Variants in KRTAP5-1 observed in about 807,000 individuals in gnomAD.
KRTAP5-1 encodes keratin associated protein 5-1, also known as keratin-associated protein 5-1.
Under a neutral mutation model 1.1 loss-of-function variants are expected in KRTAP5-1, and 1 was observed. The ratio of observed to expected loss-of-function variants is 0.90; its 90% CI spans 0.32 to 4.26. The LOEUF is 4.26. Ranked by LOEUF, KRTAP5-1 falls within the 30% of genes most tolerant of loss-of-function variation. The pLI is 0.17. For missense variants in KRTAP5-1, 302 were observed against 349.7 expected, an observed-to-expected ratio of 0.86 and a Z score of 1.09; for synonymous variants, 105 against 141.6, an observed-to-expected ratio of 0.74 and a Z score of 1.84.
At position 1,585,170 on chromosome 11, in the gene KRTAP5-1, C is replaced by A. The variant is rs1321589119; in HGVS notation, c.80G>T (p.Gly27Val). The A allele has an allele frequency of 1.3e-6, 2 of 1,595,124 alleles. No individual in the cohort carries two copies. The highest frequency in any genetic ancestry group is 1.7e-6 in the Non-Finnish European group (2 of 1,166,266). ...ACAGCCAGAGCCACAGCCCCCACAG[C>A]CGGAGCCACAGCCCCCACAGCCGGA... ...CGSGCGGCGS[G>V]CGGCGSGCGG... Residue 27 changes from glycine (G) to valine (V), a missense_variant, in exon 1 of 1, where the codon GGC (glycine) becomes GTC (valine). Physicochemically the swap from Gly to Val is moderately radical, Grantham distance 109. Transcript: ENST00000382171.
Position 1,584,424 on chromosome 11 carries a change from A to G in KRTAP5-1, c.826T>C (p.Cys276Arg). Residue 276 changes from cysteine to arginine, a missense_variant, in exon 1 of 1, where the codon TGC becomes CGC. Cys to Arg is a radical substitution (Grantham distance 180). Coordinates refer to ENST00000382171, the MANE Select transcript of KRTAP5-1 (RefSeq NM_001005922.1). ...TGCAAAGCCAGAAATCAGATCTTGC[A>G]CTGGCAGCACACGGGGACACAGCAA... is the stretch of plus-strand genomic sequence containing the variant. Reference protein sequence around the residue: ...SSCCVPVCCQCKI With the variant: ...SSCCVPVCCQRKI The G allele has an allele frequency of 6.2e-7, 1 of 1,613,976 alleles. No individual in the cohort carries two copies. The highest frequency in any genetic ancestry group is 8.5e-7 in the Non-Finnish European group (1 of 1,179,934).
rs1318056890 is a variant in KRTAP5-1, at chr11:1,585,094, C to T, written c.156G>A (p.Val52=). Residue 52 remains valine, a synonymous_variant, in exon 1 of 1, where the codon GTG becomes GTA. Transcript: ENST00000382171. ...CCVPVCCCKP[V]CCRVPTCSCS... ...AGGAACAGGTTGGCACACGGCAGCA[C>T]ACGGGCTTGCAGCAGCAGACGGGCA... The T allele has an allele frequency of 1.9e-6, 3 of 1,608,958 alleles. No homozygotes were observed. Among genetic ancestry groups the T allele is most frequent in the Non-Finnish European group, 1.7e-6 (2 of 1,178,936 alleles).
Position 1,584,781 on chromosome 11 carries a change from A to G in KRTAP5-1, c.469T>C (p.Cys157Arg), listed in dbSNP as rs760609364. ...CSCSSCGKGG[C>R]GSCGCSKGAC... ...CCCTTGGAGCACCCACAGGAGCCAC[A>G]GCCCCCTTTGCCACAGCTGGAGCAG... Residue 157 changes from cysteine (C) to arginine (R), a missense_variant, in exon 1 of 1, where the codon TGT becomes CGT. Coordinates refer to ENST00000382171, the MANE Select transcript of KRTAP5-1 (RefSeq NM_001005922.1). 19 of 1,564,080 alleles carry G rather than the reference A, an allele frequency of 1.2e-5. No homozygotes were observed. In the South Asian group the frequency reaches 1.8e-4, roughly 15 times the overall value.
rs771353951 is a variant in KRTAP5-1 at position 1,585,076 on chromosome 11, G to T, written c.174C>A (p.Thr58=). The T allele has an allele frequency of 2.6e-6, 4 of 1,543,770 alleles. No homozygotes were observed. The Admixed American group carries it at 5.5e-5, about 21-fold the overall frequency. The part of the protein sequence containing the change: ...CCKPVCCRVP[T]CSCSSCGKGG... The stretch of plus-strand genomic sequence containing the variant: ...CTTTGCCACAGCTGGAGCAGGAACA[G>T]GTTGGCACACGGCAGCACACGGGCT... Residue 58 remains threonine, a synonymous_variant, in exon 1 of 1, where the codon ACC becomes ACA. Transcript: ENST00000382171.
At position 1,584,357 on chromosome 11, in the gene KRTAP5-1, A is replaced by T; in HGVS notation, c.*56T>A. ...TGGCTCACTGGGTGCCAGGAAAAGG[A>T]GGTAAAGGCTGGGCAGGAATGCCTG... On this transcript the variant is annotated 3_prime_UTR_variant, in exon 1 of 1. Transcript: ENST00000382171. 6.3e-7 allele frequency: 1 copy of T among 1,579,036 alleles called. No homozygotes were observed. The highest frequency in any genetic ancestry group is 1.1e-5 in the South Asian group (1 of 88,344).
Position 1,584,783 on chromosome 11 carries a change from C to G in KRTAP5-1, c.467G>C (p.Gly156Ala), listed in dbSNP as rs765834783. ...CTTGGAGCACCCACAGGAGCCACAG[C>G]CCCCTTTGCCACAGCTGGAGCAGGA... ...ACSCSSCGKG[G>A]CGSCGCSKGA... Residue 156 changes from glycine to alanine, a missense_variant, in exon 1 of 1, where the codon GGC (glycine) becomes GCC (alanine). Around this residue, in one of 2 missense-constraint regions of KRTAP5-1, gnomAD observed 165 missense variants for 235.8 expected, o/e 0.70. Transcript: ENST00000382171. The G allele has an allele frequency of 6.3e-7, 1 of 1,595,874 alleles. No individual in the cohort carries two copies. The highest frequency in any genetic ancestry group is 8.5e-7 in the Non-Finnish European group (1 of 1,173,604).
Position 1,584,635 on chromosome 11 carries a change from G to A in KRTAP5-1, c.615C>T (p.Gly205=), listed in dbSNP as rs1282862812. The part of the protein sequence containing the change: ...GGCGSGCGGC[G]SGCGVPVCCC... ...AACACACGGGCACACCGCAGCCGGAGCCACAGCCCCCACAGCCGGAGCCAC... is the reference window on the plus strand; with the variant it reads ...AACACACGGGCACACCGCAGCCGGAACCACAGCCCCCACAGCCGGAGCCAC... The change falls in exon 1 of 1, where the codon GGC becomes GGT. Residue 205 remains glycine, a synonymous_variant. Transcript: ENST00000382171. 3 of 1,588,562 alleles carry A rather than the reference G, an allele frequency of 1.9e-6. No individual in the cohort carries two copies. Among genetic ancestry groups the A allele is most frequent in the South Asian group, 1.1e-5 (1 of 89,698 alleles).
chr11:1,584,432 C>T lies in KRTAP5-1; in HGVS notation c.818G>A (p.Cys273Tyr). ...CSQSSCCVPV[C>Y]CQCKI ...CAGAAATCAGATCTTGCACTGGCAG[C>T]ACACGGGGACACAGCAACTGGACTG... The change falls in exon 1 of 1, where the codon TGC (cysteine) becomes TAC (tyrosine). Residue 273 changes from cysteine to tyrosine, a missense_variant. Physicochemically the swap from Cys to Tyr is radical, Grantham distance 194 (BLOSUM62 -2). Around this residue, in one of 2 missense-constraint regions of KRTAP5-1, gnomAD observed 137 missense variants for 113.9 expected, o/e 1.20. Coordinates refer to ENST00000382171, the MANE Select transcript of KRTAP5-1 (RefSeq NM_001005922.1). 7 of 1,613,966 alleles carry T rather than the reference C, an allele frequency of 4.3e-6. No individual in the cohort carries two copies. Among genetic ancestry groups the T allele is most frequent in the Non-Finnish European group, 5.9e-6 (7 of 1,179,956 alleles).
Position 1,584,962 on chromosome 11 carries a change from C to G in KRTAP5-1, c.288G>C (p.Lys96Asn). The change falls in exon 1 of 1, where the codon AAG becomes AAC. Residue 96 changes from lysine to asparagine, a missense_variant. This residue lies in a region of KRTAP5-1 where 165 missense variants were observed against 235.8 expected (regional missense o/e 0.70). Coordinates refer to ENST00000382171, the MANE Select transcript of KRTAP5-1 (RefSeq NM_001005922.1). ...AGCCCCCACAGGAGCCACAACCCCCCTTGGATCCCCCACAAGAGCCACAGC... is the reference window on the plus strand; with the variant it reads ...AGCCCCCACAGGAGCCACAACCCCCGTTGGATCCCCCACAAGAGCCACAGC... ...KGGCGSCGGS[K>N]GGCGSCGGSK... 1 of 1,281,044 alleles carries G rather than the reference C, an allele frequency of 7.8e-7. No individual in the cohort carries two copies. The highest frequency in any genetic ancestry group is 1.0e-6 in the Non-Finnish European group (1 of 987,778). The allele number at this position is 1,281,044 out of a possible 1,614,324, so 79.4% of individuals were successfully genotyped here.
chr11:1,584,657 C>T lies in KRTAP5-1; in HGVS notation c.593G>A (p.Gly198Asp). The part of the protein sequence containing the change: ...GSCGGSKGGC[G>D]SGCGGCGSGC... ...GGAGCCACAGCCCCCACAGCCGGAG[C>T]CACAACCCCCCTTGGATCCCCCACA... Residue 198 changes from glycine to aspartate, a missense_variant, in exon 1 of 1, where the codon GGC becomes GAC. By Grantham distance (94) the Gly-to-Asp change is moderately conservative (BLOSUM62 -1). This residue lies in a region of KRTAP5-1 where 137 missense variants were observed against 113.9 expected (regional missense o/e 1.20). Coordinates refer to ENST00000382171, the MANE Select transcript of KRTAP5-1 (RefSeq NM_001005922.1). The T allele has an allele frequency of 1.9e-6, 3 of 1,600,040 alleles. No individual in the cohort carries two copies. The highest frequency in any genetic ancestry group is 2.6e-6 in the Non-Finnish European group (3 of 1,172,720).
rs778427169 is a variant in KRTAP5-1 at position 1,584,633 on chromosome 11, G to A, written c.617C>T (p.Ser206Phe). Residue 206 changes from serine to phenylalanine, a missense_variant, in exon 1 of 1, where the codon TCC becomes TTC. Physicochemically the swap from Ser to Phe is radical, Grantham distance 155. Coordinates refer to ENST00000382171, the MANE Select transcript of KRTAP5-1 (RefSeq NM_001005922.1). ...GCGSGCGGCG[S>F]GCGVPVCCCS... Reference sequence around the variant, plus strand: ...GCAACACACGGGCACACCGCAGCCGGAGCCACAGCCCCCACAGCCGGAGCC... The same window carrying A: ...GCAACACACGGGCACACCGCAGCCGAAGCCACAGCCCCCACAGCCGGAGCC... 1 of 1,593,458 alleles carries A rather than the reference G, an allele frequency of 6.3e-7. No individual in the cohort carries two copies. Among genetic ancestry groups the A allele is most frequent in the South Asian group, 1.1e-5 (1 of 89,808 alleles).
Position 1,585,022 on chromosome 11 carries a change from C to A in KRTAP5-1, c.228G>T (p.Lys76Asn), listed in dbSNP as rs531250750. The change falls in exon 1 of 1, where the codon AAG becomes AAT. Residue 76 changes from lysine (K) to asparagine (N), a missense_variant. Physicochemically the swap from Lys to Asn is moderately conservative, Grantham distance 94. Coordinates refer to ENST00000382171, the MANE Select transcript of KRTAP5-1 (RefSeq NM_001005922.1). ...KGGCGSSGGS[K>N]GGCGSCGGCK... ...AGCCTCCACAGGAGCCACAGCCCCC[C>A]TTGGAGCCCCCAGAAGAGCCACAGC... 9 of 1,588,402 alleles carry A rather than the reference C, an allele frequency of 5.7e-6. No individual in the cohort carries two copies. The South Asian group carries it at 6.7e-5, about 12-fold the overall frequency.
rs768820629 is a variant in KRTAP5-1, at chr11:1,585,181, G to A, written c.69C>T (p.Gly23=). Residue 23 remains glycine (G), a synonymous_variant, in exon 1 of 1, where the codon GGC becomes GGT. Transcript: ENST00000382171. ...SCGGCGSGCG[G]CGSGCGGCGS... ...CACAGCCCCCACAGCCGGAGCCACAGCCCCCACAGCCGGAGCCACAGCCCC... is the reference window on the plus strand; with the variant it reads ...CACAGCCCCCACAGCCGGAGCCACAACCCCCACAGCCGGAGCCACAGCCCC... The A allele has an allele frequency of 4.3e-6, 7 of 1,609,940 alleles. No individual in the cohort carries two copies. In the South Asian group the frequency reaches 7.7e-5, roughly 18 times the overall value.
Position 1,584,399 on chromosome 11 carries a change from T to G in KRTAP5-1, c.*14A>C. 1 of 1,613,678 alleles carries G rather than the reference T, an allele frequency of 6.2e-7. No homozygotes were observed. On this transcript the variant is annotated 3_prime_UTR_variant, in exon 1 of 1. Coordinates refer to ENST00000382171, the MANE Select transcript of KRTAP5-1 (RefSeq NM_001005922.1). Reference sequence around the variant, plus strand: ...GAATGCCTGGCCATGGTAAGAGTCCTGCAAAGCCAGAAATCAGATCTTGCA... The same window carrying G: ...GAATGCCTGGCCATGGTAAGAGTCCGGCAAAGCCAGAAATCAGATCTTGCA...
rs761790275 is a variant in KRTAP5-1 at position 1,584,712 on chromosome 11, A to C, written c.538T>G (p.Cys180Gly). The C allele has an allele frequency of 1.5e-6, 2 of 1,333,922 alleles. No homozygotes were observed. The highest frequency in any genetic ancestry group is 4.3e-5 in the Admixed American group (2 of 46,564). 82.6% of individuals were successfully genotyped at this position (1,333,922 alleles called of 1,614,324 possible). ...CGGSKGGCGS[C>G]GGCKGGCGSC... ...CCGCAGCCCCCCTTGCAGCCTCCAC[A>C]GGAGCCACAGCCCCCCTTGGAGCCC... Residue 180 changes from cysteine to glycine, a missense_variant, in exon 1 of 1, where the codon TGT (cysteine) becomes GGT (glycine). By Grantham distance (159) the Cys-to-Gly change is radical. Around this residue, in one of 2 missense-constraint regions of KRTAP5-1, gnomAD observed 165 missense variants for 235.8 expected, o/e 0.70. Transcript: ENST00000382171.
chr11:1,584,559 C>A lies in KRTAP5-1; in HGVS notation c.691G>T (p.Gly231Trp). Residue 231 changes from glycine (G) to tryptophan (W), a missense_variant, in exon 1 of 1, where the codon GGG becomes TGG. This residue lies in a region of KRTAP5-1 where 137 missense variants were observed against 113.9 expected (regional missense o/e 1.20). Transcript: ENST00000382171. ...CAACTGCACTGGGAGCAGGATGACC[C>A]GCAGCCTCCCTTAGACCCCGCGCAA... ...GSCAGSKGGC[G>W]SSCSQCSCCK... 6.2e-7 allele frequency: 1 copy of A among 1,613,924 alleles called. No homozygotes were observed. Among genetic ancestry groups the A allele is most frequent in the Non-Finnish European group, 8.5e-7 (1 of 1,179,942 alleles).
In KRTAP5-1 at chr11:1,584,903, TTGGATCCCCCACAAGAGCCAC is replaced by T; in HGVS notation, c.326_346del (p.Cys109_Lys116delinsTer). 7.1e-6 allele frequency: 2 copies of T among 281,612 alleles called. No homozygotes were observed. Among genetic ancestry groups the T allele is most frequent in the Non-Finnish European group, 4.7e-6 (1 of 214,196 alleles). 17.4% of individuals were successfully genotyped at this position (281,612 alleles called of 1,614,324 possible). ...CCCACAGCCGGAACCACAGCCACCC[TTGGATCCCCCACAAGAGCCAC>T]AGCCCCCCTTGGAGCCCCCACAGGA... On this transcript the variant is annotated stop_gained and inframe_deletion, in exon 1 of 1. Coordinates refer to ENST00000382171, the MANE Select transcript of KRTAP5-1 (RefSeq NM_001005922.1). LOFTEE classifies it low-confidence loss of function (END_TRUNC).
rs761700150 is a variant in KRTAP5-1 at position 1,584,664 on chromosome 11, C to G, written c.586G>C (p.Gly196Arg). 2 of 1,565,522 alleles carry G rather than the reference C, an allele frequency of 1.3e-6. No homozygotes were observed. The highest frequency in any genetic ancestry group is 2.3e-5 in the South Asian group (2 of 88,154). Residue 196 changes from glycine (G) to arginine (R), a missense_variant, in exon 1 of 1, where the codon GGT (glycine) becomes CGT (arginine). This residue lies in a region of KRTAP5-1 where 137 missense variants were observed against 113.9 expected (regional missense o/e 1.20). Transcript: ENST00000382171. ...CAGCCCCCACAGCCGGAGCCACAAC[C>G]CCCCTTGGATCCCCCACAAGAACCG... ...GCGSCGGSKG[G>R]CGSGCGGCGS...
chr11:1,584,539 G>T lies in KRTAP5-1; in HGVS notation c.711C>A (p.Cys237Ter). ...KGGCGSSCSQCSCCKPCCCSS... is the reference protein window; with the variant it reads ...KGGCGSSCSQ ...AACAGCAGCAGGGCTTACAGCAACT[G>T]CACTGGGAGCAGGATGACCCGCAGC... The change falls in exon 1 of 1, where the codon TGC (cysteine) becomes TGA (stop). Residue 237 changes from cysteine to a stop codon, truncating the protein, a stop_gained. Coordinates refer to ENST00000382171, the MANE Select transcript of KRTAP5-1 (RefSeq NM_001005922.1). LOFTEE classifies it low-confidence loss of function (END_TRUNC). 7 of 1,614,000 alleles carry T rather than the reference G, an allele frequency of 4.3e-6. No homozygotes were observed. Among genetic ancestry groups the T allele is most frequent in the Non-Finnish European group, 5.9e-6 (7 of 1,179,966 alleles).
Sources: gnomAD v4.1 joint callset for allele counts on GRCh38, gnomAD v4.1.1 for gene constraint, gnomAD v4.1.1 regional missense constraint, MANE v1.5 for transcripts, NCBI Gene and HGNC (gene_info 2026-07-23, HGNC 2026-07-21) for gene names.